The following PHACTR1 variants were observed in gnomAD, a reference collection of about 807,000 sequenced individuals.
The protein encoded by PHACTR1 is phosphatase and actin regulator 1.
A neutral mutation model predicts 69.2 loss-of-function variants in PHACTR1; 16 were observed. That is an observed-to-expected ratio of 0.23 (90% confidence interval 0.16 to 0.35). The LOEUF is 0.35. Among genes scored for constraint, PHACTR1 ranks in the 10% least tolerant of loss-of-function variants. PHACTR1 has a pLI of 1.00. For missense variants in PHACTR1, 510 were observed against 734.7 expected (o/e 0.69, Z 3.54); for synonymous variants, 312 against 284.5 (o/e 1.10, Z -0.97).
chr6:13,098,765 T>G (rs958756021), intron 5 of PHACTR1, among the ~76,000 whole-genome samples: 1 of 152,176 alleles, frequency 6.6e-6, no homozygotes, highest in Non-Finnish European at 1.5e-5. Flanking sequence ...TCATAGCTCT[T>G]AATTATTTCT....
intron 4 of PHACTR1, among the ~76,000 whole-genome samples, chr6:12,767,953 G>A (rs1190386989): frequency 6.6e-6 from 1 of 152,086 alleles, no homozygotes; most frequent in African/African-American, 2.4e-5. Flanking sequence ...AATGGGCTTG[G>A]CGTTTTTCTT....
At chr6:13,167,649 A>C (rs541041279) in intron 6 of PHACTR1, among the ~76,000 whole-genome samples, 1 of 152,352 alleles carries the variant, frequency 6.6e-6, no homozygotes, top group African/African-American at 2.4e-5. Context: ...TAAAACTGAC[A>C]GTGTGCCAGT....
At chr6:12,984,294 T>C (rs917726087) in intron 4 of PHACTR1, among the ~76,000 whole-genome samples, 8 of 152,230 alleles carry the variant, frequency 5.3e-5, no homozygotes, top group Admixed American at 3.3e-4. Flanking sequence ...AAAACCTAAC[T>C]AGTCTGGGGC....
At chr6:12,784,731 A>G (rs570072977) in intron 4 of PHACTR1, among the ~76,000 whole-genome samples, 1 of 151,652 alleles carries the variant, frequency 6.6e-6, no homozygotes, top group African/African-American at 2.4e-5. Context: ...ATTTTATTTT[A>G]TTTTTTGAGT....
chr6:12,777,262 G>A (rs898676381), intron 4 of PHACTR1, among the ~76,000 whole-genome samples: 1 of 149,130 alleles, frequency 6.7e-6, no homozygotes, highest in Non-Finnish European at 1.5e-5. Flanking sequence ...TTTTATTTTA[G>A]GTTCAGGGGT....
At chr6:13,099,818 TAAATTGAGA>T (rs1232492864) in intron 5 of PHACTR1, among the ~76,000 whole-genome samples, 19 of 152,252 alleles carry the variant, frequency 1.2e-4, no homozygotes. Flanking sequence ...GCTTGTTTTT[TAAATTGAGA>T]AACAAACAAG....
chr6:13,095,312 G>C lies in PHACTR1; in HGVS notation c.415+41783G>C, dbSNP rs547458314. ...AATGGGCTATTAATTCATAAAATAA[G>C]CAAATAGAGAACAGAGCATATTACT... On this transcript the variant is annotated intron_variant, in intron 5 of 14. Transcript: ENST00000332995. 2.0e-5 allele frequency among the ~76,000 whole-genome samples: 3 copies of C among 152,326 alleles called. No homozygotes were observed. The South Asian group carries it at 6.2e-4, about 32-fold the overall frequency.
intron 4 of PHACTR1, among the ~76,000 whole-genome samples, chr6:13,021,005 T>A (rs543453545): frequency 6.6e-6 from 1 of 152,166 alleles, no homozygotes; most frequent in African/African-American, 2.4e-5. Context: ...AGCATTTTTA[T>A]TGAGATATAA....
chr6:12,758,357 G>C (rs1767607401), intron 4 of PHACTR1, among the ~76,000 whole-genome samples: 1 of 150,974 alleles, frequency 6.6e-6, no homozygotes, highest in Non-Finnish European at 1.5e-5. Flanking sequence ...CAGGAGAATT[G>C]CTTGAACCCA....
At chr6:12,749,152 G>C (rs1348312075) in intron 3 of PHACTR1, among the ~76,000 whole-genome samples, 1 of 152,260 alleles carries the variant, frequency 6.6e-6, no homozygotes, top group African/African-American at 2.4e-5. Flanking sequence ...AGAGCAGCCT[G>C]TGGGTGAAGG....
At chr6:13,089,512 C>T (rs1025224260) in intron 5 of PHACTR1, among the ~76,000 whole-genome samples, 1 of 152,152 alleles carries the variant, frequency 6.6e-6, no homozygotes, top group Non-Finnish European at 1.5e-5. Flanking sequence ...AATATGCTAT[C>T]ATCATTTTTT....
chr6:12,911,304 G>C (rs78471004), intron 4 of PHACTR1, among the ~76,000 whole-genome samples: 1 of 152,054 alleles, frequency 6.6e-6, no homozygotes, highest in Non-Finnish European at 1.5e-5. Context: ...GACATTGGGG[G>C]CTTTGTGTTT....
intron 5 of PHACTR1, among the ~76,000 whole-genome samples, chr6:13,087,306 C>G (rs1812477824): frequency 6.6e-6 from 1 of 151,014 alleles, no homozygotes; most frequent in South Asian, 2.1e-4. Context: ...TTCTACCAAA[C>G]CATCGAGGAA....
chr6:12,953,706 C>T (rs1221105852), intron 4 of PHACTR1, among the ~76,000 whole-genome samples: 1 of 152,162 alleles, frequency 6.6e-6, no homozygotes, highest in African/African-American at 2.4e-5. Context: ...AAATGCTTAG[C>T]ACAGTGTTTG....
At chr6:13,004,316 C>A (rs900749883) in intron 4 of PHACTR1, among the ~76,000 whole-genome samples, 2 of 151,952 alleles carry the variant, frequency 1.3e-5, no homozygotes, top group Non-Finnish European at 2.9e-5. Context: ...TAATAATAGC[C>A]ATTCTGACTG....
In PHACTR1 at chr6:13,025,681, G is replaced by A. The variant is rs183328979; in HGVS notation, c.251-27684G>A. ...TAAGTCATATATTATTTGTGTGTGT[G>A]TGTGTGTGTGTGTGTGTGTGTGTGT... On this transcript the variant is annotated intron_variant, in intron 4 of 14. Coordinates refer to ENST00000332995, the MANE Select transcript of PHACTR1 (RefSeq NM_030948.6). Among the ~76,000 whole-genome samples, 12 of 143,090 alleles carry A rather than the reference G, an allele frequency of 8.4e-5. 1 individual carries two copies. The highest frequency in any genetic ancestry group is 3.0e-4 in the African/African-American group (10 of 33,478). 93.9% of individuals were successfully genotyped at this position (143,090 alleles called of 152,430 possible).
chr6:12,882,012 C>T (rs533252530), intron 4 of PHACTR1, among the ~76,000 whole-genome samples: 24 of 152,190 alleles, frequency 1.6e-4, no homozygotes, highest in African/African-American at 5.8e-4. Flanking sequence ...ACAAATTCAA[C>T]ATGGTCAAAT....
At chr6:13,006,946 G>A (rs1027794674) in intron 4 of PHACTR1, among the ~76,000 whole-genome samples, 1 of 152,204 alleles carries the variant, frequency 6.6e-6, no homozygotes, top group South Asian at 2.1e-4. Context: ...ATCCTACCAT[G>A]TGCCTGAAGA....
At chr6:12,916,578 TAGTACAG>T (rs1787034834) in intron 4 of PHACTR1, among the ~76,000 whole-genome samples, 1 of 148,906 alleles carries the variant, frequency 6.7e-6, no homozygotes, top group Non-Finnish European at 1.5e-5. Context: ...CCCCAGCACC[TAGTACAG>T]AGTAGGCATT....
Sources: allele counts gnomAD v4.1 joint callset (sites outside exome capture counted in the v4.1 genomes callset), GRCh38; gene constraint gnomAD v4.1.1; transcripts MANE v1.5; gene names NCBI Gene and HGNC (gene_info 2026-07-23, HGNC 2026-07-21).